Variants in CCDC178 observed in about 807,000 individuals in gnomAD.
The protein encoded by CCDC178 is coiled-coil domain-containing protein 178.
Under a neutral mutation model 117.4 loss-of-function variants are expected in CCDC178, and 126 were observed. That is an observed-to-expected ratio of 1.07 (90% confidence interval 0.93 to 1.24). The LOEUF (loss-of-function observed/expected upper bound fraction) is 1.24, where lower values mean the gene tolerates loss of function less well. Among genes scored for constraint, CCDC178 ranks in the 50% most tolerant of loss-of-function variants. CCDC178 has a pLI of 0.00. For synonymous variants in CCDC178, 283 were observed against 313.4 expected (o/e 0.90, Z 1.02); for missense variants, 1,030 against 986.9 (o/e 1.04, Z -0.59).
At chr18:33,047,825 C>T (rs1280110782) in intron 21 of CCDC178, among the ~76,000 whole-genome samples, 1 of 152,004 alleles carries the variant, frequency 6.6e-6, no homozygotes, top group Non-Finnish European at 1.5e-5. Flanking sequence ...AGTGATTTGT[C>T]CTCAGGAAAA....
At chr18:33,018,297 C>T (rs922137913) in intron 21 of CCDC178, among the ~76,000 whole-genome samples, 1 of 152,000 alleles carries the variant, frequency 6.6e-6, no homozygotes, top group African/African-American at 2.4e-5. Context: ...AAAATAAAAA[C>T]TGCTGACCAG....
At chr18:33,036,441 T>C (rs2056446412) in intron 21 of CCDC178, among the ~76,000 whole-genome samples, 1 of 151,898 alleles carries the variant, frequency 6.6e-6, no homozygotes, top group South Asian at 2.1e-4. Context: ...ATATAATACA[T>C]GGCTGTAAGA....
chr18:33,242,213 T>G (rs2059496681), intron 15 of CCDC178, among the ~76,000 whole-genome samples: 1 of 151,790 alleles, frequency 6.6e-6, no homozygotes, highest in Admixed American at 6.6e-5. Context: ...GATATCCACC[T>G]GCAGAAGAAT....
At chr18:33,098,608 C>T (rs1020725849) in intron 20 of CCDC178, among the ~76,000 whole-genome samples, 20 of 152,050 alleles carry the variant, frequency 1.3e-4, no homozygotes, top group African/African-American at 4.8e-4. Context: ...GCATAGACCG[C>T]ACTACATTCA....
intron 18 of CCDC178, 122 bp from the exon 19 acceptor site, chr18:33,215,817 T>C: frequency 1.5e-6 from 1 of 670,080 alleles, no homozygotes; most frequent in Non-Finnish European, 2.3e-6. Context: ...CCACACCTGA[T>C]GGCTCACTCC....
intron 22 of CCDC178, among the ~76,000 whole-genome samples, chr18:32,945,916 CTTTAA>C (rs1196839043): frequency 3.3e-5 from 5 of 151,940 alleles, no homozygotes; most frequent in African/African-American, 1.2e-4. Flanking sequence ...TAAGTGTTTG[CTTTAA>C]TTTTTTTTTA....
At chr18:33,081,480 T>C (rs1409771678) in intron 21 of CCDC178, among the ~76,000 whole-genome samples, 1 of 152,174 alleles carries the variant, frequency 6.6e-6, no homozygotes, top group Non-Finnish European at 1.5e-5. Context: ...ATCCTTACTA[T>C]AGTTTCATAT....
chr18:33,102,081 C>T (rs750318711), intron 20 of CCDC178, among the ~76,000 whole-genome samples: 1 of 151,758 alleles, frequency 6.6e-6, no homozygotes, highest in Admixed American at 6.6e-5. Context: ...CCTTTCTTCA[C>T]GTGACTGTCA....
chr18:33,389,508 A>C (rs769773447), intron 5 of CCDC178, 32 bp downstream of exon 5: 6 of 1,029,440 alleles, frequency 5.8e-6, no homozygotes, highest in Non-Finnish European at 8.3e-6. Context: ...TAGTTTATAT[A>C]GTTTACTATA....
intron 11 of CCDC178, among the ~76,000 whole-genome samples, chr18:33,311,533 G>T (rs975145205): frequency 2.0e-5 from 3 of 152,210 alleles, no homozygotes; most frequent in African/African-American, 4.8e-5. Flanking sequence ...CTAACCAGGA[G>T]AAAGGATCCT....
chr18:33,109,555 A>T (rs1046277075), intron 20 of CCDC178, among the ~76,000 whole-genome samples: 2 of 151,582 alleles, frequency 1.3e-5, no homozygotes, highest in Non-Finnish European at 3.0e-5. Flanking sequence ...TACATTTTTT[A>T]TAAATGAATA....
In CCDC178 at chr18:33,094,164, C is replaced by T. The variant is rs78302486; in HGVS notation, c.2239-1254G>A. Among the ~76,000 whole-genome samples, 439 of 152,094 alleles carry T rather than the reference C, an allele frequency of 2.9e-3. 3 individuals are homozygous for T. The highest frequency in any genetic ancestry group is 0.01 in the African/African-American group (416 of 41,538). On this transcript the variant is annotated intron_variant, in intron 20 of 22. Transcript: ENST00000383096. ...TGATCCCTAATGATAAATATTATGT[C>T]ATAGCTATTCTTCAAAAAGCCAAAA...
intron 20 of CCDC178, among the ~76,000 whole-genome samples, chr18:33,161,797 T>C (rs2058467737): frequency 6.6e-6 from 1 of 152,208 alleles, no homozygotes; most frequent in Admixed American, 6.5e-5. Context: ...ATGTGCCACA[T>C]TTTCTTAATC....
intron 20 of CCDC178, among the ~76,000 whole-genome samples, chr18:33,110,412 T>C (rs2057765357): frequency 6.6e-6 from 1 of 151,644 alleles, no homozygotes; most frequent in African/African-American, 2.4e-5. Context: ...GTACAGTTTA[T>C]AAACTATGTA....
intron 21 of CCDC178, among the ~76,000 whole-genome samples, chr18:33,069,802 T>C (rs953371289): frequency 1.3e-5 from 2 of 151,898 alleles, no homozygotes; most frequent in Non-Finnish European, 2.9e-5. Context: ...GACCAGAATA[T>C]ACAAGGTATT....
At chr18:33,411,108 C>T (rs368216514) in intron 3 of CCDC178, among the ~76,000 whole-genome samples, 17 of 152,110 alleles carry the variant, frequency 1.1e-4, no homozygotes, top group African/African-American at 2.2e-4. Context: ...ACCATCCAGC[C>T]GACTCATGCA....
chr18:33,163,126 T>C (rs1299203799), intron 20 of CCDC178, among the ~76,000 whole-genome samples: 3 of 152,248 alleles, frequency 2.0e-5, no homozygotes, highest in Non-Finnish European at 4.4e-5. Context: ...ATTGCCATTC[T>C]GACTGGTATG....
chr18:33,035,728 T>C (rs1051943216), intron 21 of CCDC178, among the ~76,000 whole-genome samples: 20 of 151,992 alleles, frequency 1.3e-4, no homozygotes, highest in Non-Finnish European at 2.9e-5. Flanking sequence ...TTAATTTGAT[T>C]GTGGTAATCA....
intron 22 of CCDC178, among the ~76,000 whole-genome samples, chr18:32,956,018 G>A (rs34104001): frequency 0.02 from 2,988 of 152,124 alleles, 46 homozygotes; most frequent in Non-Finnish European, 0.032. Flanking sequence ...GAAAAATTTT[G>A]CCTATAACTA....
Sources: allele counts gnomAD v4.1 joint callset (sites outside exome capture counted in the v4.1 genomes callset), GRCh38; gene constraint gnomAD v4.1.1; transcripts MANE v1.5; gene names NCBI Gene and HGNC (gene_info 2026-07-23, HGNC 2026-07-21).